Variants in TMBIM6 observed in about 807,000 individuals in gnomAD.
TMBIM6 encodes the protein bax inhibitor 1.
TMBIM6 carries 13 observed loss-of-function variants against 31.4 expected under a neutral mutation model. The observed-to-expected ratio is 0.41, with a 90% CI of 0.27 to 0.66. TMBIM6 has a LOEUF of 0.66. Ranked by LOEUF, TMBIM6 falls within the 30% of genes least tolerant of loss-of-function variation. The pLI is 0.28. For synonymous variants in TMBIM6, 85 were observed against 101.7 expected (o/e 0.84, Z 0.99); for missense variants, 275 against 289.5 (o/e 0.95, Z 0.36).
Position 49,756,616 on chromosome 12 carries a change from G to A in TMBIM6, c.286+861G>A, listed in dbSNP as rs142887456. 8.9e-4 allele frequency among the ~76,000 whole-genome samples: 134 copies of A among 151,388 alleles called. No homozygotes were observed. In the East Asian group the frequency reaches 0.022, roughly 24 times the overall value. On this transcript the variant is annotated intron_variant, in intron 4 of 9. Coordinates refer to ENST00000267115, the MANE Select transcript of TMBIM6 (RefSeq NM_003217.3). The stretch of plus-strand genomic sequence containing the variant: ...TAATTTTTTGTATTTTAGTAGAGAC[G>A]GGGTTTCACCATGTTGGCCAGGATG...
At chr12:49,755,919 C>T (rs1189849014) in intron 4 of TMBIM6, among the ~76,000 whole-genome samples, 164 bp downstream of exon 4, 2 of 146,040 alleles carry the variant, frequency 1.4e-5, no homozygotes, top group East Asian at 2.1e-4. Flanking sequence ...CTGCAAGCTC[C>T]GCCTCCCAGG....
At chr12:49,744,168 T>C (rs112481838) in intron 1 of TMBIM6, among the ~76,000 whole-genome samples, 14 of 152,318 alleles carry the variant, frequency 9.2e-5, no homozygotes, top group South Asian at 4.1e-4. Context: ...GTGATACATA[T>C]ATAAAAGCAC....
At chr12:49,758,568 C>T (rs1401326433) in intron 6 of TMBIM6, 88 bp downstream of exon 6, 11 of 1,543,064 alleles carry the variant, frequency 7.1e-6, no homozygotes, top group South Asian at 2.2e-5. Flanking sequence ...AACTCCTTTG[C>T]GACTATTGAG....
chr12:49,755,845 T>C (rs976807887), intron 4 of TMBIM6, 90 bp downstream of exon 4: 1 of 1,465,404 alleles, frequency 6.8e-7, no homozygotes, highest in Non-Finnish European at 9.1e-7. Context: ...TTCTTTTTTT[T>C]TTTTTTGAGA....
rs1945698456 is a variant in TMBIM6, at chr12:49,760,561, C to T, written c.615-1143C>T. On this transcript the variant is annotated intron_variant, in intron 8 of 9. Transcript: ENST00000267115. ...TTTTTTTTTTTTTTTTTTTTTGAGA[C>T]AGTTTTGCTTTGTCACCCAGGCTGG... 7.2e-5 allele frequency among the ~76,000 whole-genome samples: 5 copies of T among 69,722 alleles called. No individual in the cohort carries two copies. In the South Asian group the frequency reaches 2.4e-3, roughly 33 times the overall value. 45.7% of individuals were successfully genotyped at this position (69,722 alleles called of 152,430 possible). A position where few individuals can be genotyped will look rare whatever the true frequency, so the allele number is the denominator to read the frequency against.
chr12:49,749,376 C>A (rs964219576), intron 1 of TMBIM6, among the ~76,000 whole-genome samples: 2 of 152,000 alleles, frequency 1.3e-5, no homozygotes, highest in Non-Finnish European at 2.9e-5. Context: ...CTGGAAAACC[C>A]CATCATAAGT....
intron 4 of TMBIM6, among the ~76,000 whole-genome samples, 190 bp downstream of exon 4, chr12:49,755,945 T>C (rs907676654): frequency 6.6e-6 from 1 of 151,180 alleles, no homozygotes; most frequent in Non-Finnish European, 1.5e-5. Flanking sequence ...ACCATTCTTC[T>C]GCTTTAGCCT....
Position 49,758,390 on chromosome 12 carries a change from C to T in TMBIM6, c.343C>T (p.Pro115Ser), listed in dbSNP as rs1369371695. 6.2e-7 allele frequency: 1 copy of T among 1,614,204 alleles called. No individual in the cohort carries two copies. Residue 115 changes from proline (P) to serine (S), a missense_variant, in exon 6 of 10, where the codon CCC becomes TCC. Pro to Ser is a moderately conservative substitution (Grantham distance 74). Coordinates refer to ENST00000267115, the MANE Select transcript of TMBIM6 (RefSeq NM_003217.3). ...GGTCTTTTTTTCTAACAGCATCCTTCCCACTGCTTTCATGGGCACGGCAAT... is the reference window on the plus strand; with the variant it reads ...GGTCTTTTTTTCTAACAGCATCCTTTCCACTGCTTTCATGGGCACGGCAAT... ...FCIAVNPSIL[P>S]TAFMGTAMIF...
In TMBIM6 at chr12:49,753,070, C is replaced by G; in HGVS notation, c.154C>G (p.His52Asp). The part of the protein sequence containing the change: ...AAGAYVHMVT[H>D]FIQAGLLSAL... The stretch of plus-strand genomic sequence containing the variant: ...AGGGGCCTATGTCCATATGGTCACT[C>G]ATTTCATTCAGGTAAGAACGATTTT... The change falls in exon 3 of 10, where the codon CAT becomes GAT. Residue 52 changes from histidine (H) to aspartate (D), a missense_variant. Coordinates refer to ENST00000267115, the MANE Select transcript of TMBIM6 (RefSeq NM_003217.3). The G allele has an allele frequency of 6.2e-7, 1 of 1,613,332 alleles. No individual in the cohort carries two copies. Among genetic ancestry groups the G allele is most frequent in the Non-Finnish European group, 8.5e-7 (1 of 1,179,726 alleles).
intron 2 of TMBIM6, 23 bp downstream of exon 2, chr12:49,752,572 G>GT (rs772790520): frequency 1.1e-5 from 17 of 1,550,510 alleles, no homozygotes; most frequent in Non-Finnish European, 1.5e-5. Flanking sequence ...ACCTTGACTG[G>GT]TTTTGTACTG....
intron 1 of TMBIM6, among the ~76,000 whole-genome samples, chr12:49,748,728 A>G (rs1945440658): frequency 1.3e-5 from 2 of 152,340 alleles, no homozygotes; most frequent in African/African-American, 4.8e-5. Flanking sequence ...AGGAGGCACT[A>G]TCCACATTGT....
chr12:49,757,963 G>C (rs2720306), intron 4 of TMBIM6, among the ~76,000 whole-genome samples: 152,202 of 152,202 alleles, frequency 1, 76,101 homozygotes, highest in Non-Finnish European at 1. Context: ...TTATTTTCTT[G>C]TAATCTCTGT....
chr12:49,745,209 G>T (rs1320240749), intron 1 of TMBIM6, among the ~76,000 whole-genome samples: 1 of 151,550 alleles, frequency 6.6e-6, no homozygotes, highest in Non-Finnish European at 1.5e-5. Context: ...AAGCTTTTGC[G>T]CATTTACTTC....
In TMBIM6 at chr12:49,754,397, G is replaced by A. The variant is rs569026240; in HGVS notation, c.166-1238G>A. Among the ~76,000 whole-genome samples, 3 of 152,290 alleles carry A rather than the reference G, an allele frequency of 2.0e-5. No homozygotes were observed. In the East Asian group the frequency reaches 5.8e-4, roughly 29 times the overall value. On this transcript the variant is annotated intron_variant, in intron 3 of 9. Coordinates refer to ENST00000267115, the MANE Select transcript of TMBIM6 (RefSeq NM_003217.3). The stretch of plus-strand genomic sequence containing the variant: ...TGAAGAAAATGTGTATATTAGATAA[G>A]CTTCATTCCGGCATGAGTTGTACTG...
intron 1 of TMBIM6, 60 bp from the exon 2 acceptor site, chr12:49,752,404 T>TA (rs1945510862): frequency 1.1e-5 from 14 of 1,233,118 alleles, no homozygotes; most frequent in African/African-American, 1.6e-5. Flanking sequence ...TTTTTTTTTT[T>TA]ATAAGCTGTT....
At chr12:49,749,982 T>C (rs1273986539) in intron 1 of TMBIM6, 1 of 152,204 alleles carries the variant, frequency 6.6e-6, no homozygotes, top group African/African-American at 2.4e-5. Context: ...TTTGAAATAC[T>C]GATATTGAAA....
Position 49,758,457 on chromosome 12 carries a change from G to A in TMBIM6, c.410G>A (p.Arg137His), listed in dbSNP as rs143158918. 2.0e-5 allele frequency: 32 copies of A among 1,614,044 alleles called. No homozygotes were observed. The African/African-American group carries it at 2.0e-4, about 10-fold the overall frequency. The change falls in exon 6 of 10, where the codon CGC becomes CAC. Residue 137 changes from arginine (R) to histidine (H), a missense_variant. Transcript: ENST00000267115. ...ACCCTCAGTGCACTCTATGCCAGGC[G>A]CCGTAGCTACCTCTTTCTGGGAGGT... ...CFTLSALYAR[R>H]RSYLFLGGIL... is the part of the protein sequence containing the mutation.
At position 49,742,132 on chromosome 12, in the gene TMBIM6, G is replaced by T. The variant is rs766781016; in HGVS notation, c.-31+521G>T. The T allele has an allele frequency of 1.8e-5, 29 of 1,609,950 alleles. 1 individual carries two copies. In the South Asian group the frequency reaches 3.2e-4, roughly 18 times the overall value. Reference sequence around the variant, plus strand: ...AGACTCGAGGTAGGGCCTGGCGGGCGGGTGATGTCACACTCCTCTGTGACA... The same window carrying T: ...AGACTCGAGGTAGGGCCTGGCGGGCTGGTGATGTCACACTCCTCTGTGACA... On this transcript the variant is annotated intron_variant, in intron 1 of 9. Coordinates refer to ENST00000267115, the MANE Select transcript of TMBIM6 (RefSeq NM_003217.3).
intron 1 of TMBIM6, 94 bp from the exon 2 acceptor site, chr12:49,752,370 C>T: frequency 1.1e-6 from 1 of 892,210 alleles, no homozygotes. Flanking sequence ...AAGTTTTCAT[C>T]TTTCTGAACT....
Sources: gnomAD v4.1 joint callset for allele counts (sites outside exome capture counted in the v4.1 genomes callset) on GRCh38, gnomAD v4.1.1 for gene constraint, MANE v1.5 for transcripts, NCBI Gene and HGNC (gene_info 2026-07-23, HGNC 2026-07-21) for gene names.